Variants in ALG6 observed in about 807,000 individuals in gnomAD.
ALG6 encodes ALG6 alpha-1,3-glucosyltransferase, also known as dolichyl pyrophosphate Man9GlcNAc2 alpha-1,3-glucosyltransferase.
A neutral mutation model predicts 66.6 loss-of-function variants in ALG6; 46 were observed. The ratio of observed to expected loss-of-function variants is 0.69; its 90% confidence interval spans 0.55 to 0.88. The LOEUF is 0.88. Among genes scored for constraint, ALG6 ranks in the 40% least tolerant of loss-of-function variants. The probability of loss-of-function intolerance (pLI) is 0.00; values close to 1 mark genes in which losing one functional copy is unlikely to be tolerated. For missense variants in ALG6, 505 were observed against 586.8 expected, an observed-to-expected ratio of 0.86 and a Z score of 1.44; for synonymous variants, 185 against 203.7, an observed-to-expected ratio of 0.91 and a Z score of 0.78.
At chr1:63,386,030 G>A (rs1648493273) in intron 2 of ALG6, among the ~76,000 whole-genome samples, 1 of 152,148 alleles carries the variant, frequency 6.6e-6, no homozygotes, top group African/African-American at 2.4e-5. Context: ...AGGAAGGGGT[G>A]TGGAATTGTA....
Position 63,409,588 on chromosome 1 carries a change from T to G in ALG6, c.495-1558T>G, listed in dbSNP as rs1244722510. Among the ~76,000 whole-genome samples, 6 of 152,312 alleles carry G rather than the reference T, an allele frequency of 3.9e-5. No homozygotes were observed. The East Asian group carries it at 1.2e-3, about 29-fold the overall frequency. The stretch of plus-strand genomic sequence containing the variant: ...TTAATTTCTAATTAGAATTTACTAC[T>G]TTTTGTTTTTTTGGTAAAGTTCACT... On this transcript the variant is annotated intron_variant, in intron 7 of 14. Transcript: ENST00000263440.
Position 63,403,094 on chromosome 1 carries a change from C to CA in ALG6, c.257+777dup, listed in dbSNP as rs1160526296. ...TGGGCAACAGAGTGAGACTCCATCT[C>CA]AAAAAAAAAAAAAAAAAAAAAAAAA... On this transcript the variant is annotated intron_variant, in intron 4 of 14. Transcript: ENST00000263440. Among the ~76,000 whole-genome samples the CA allele has an allele frequency of 4.3e-3, 281 of 65,266 alleles. 13 individuals are homozygous for CA. Among genetic ancestry groups the CA allele is most frequent in the Non-Finnish European group, 6.1e-3 (206 of 33,502 alleles). 42.8% of individuals were successfully genotyped at this position (65,266 alleles called of 152,430 possible).
At chr1:63,410,832 T>C (rs1644512303) in intron 7 of ALG6, among the ~76,000 whole-genome samples, 1 of 152,134 alleles carries the variant, frequency 6.6e-6, no homozygotes, top group Non-Finnish European at 1.5e-5. Flanking sequence ...ATAATAATAT[T>C]GTGAAGTAAT....
intron 2 of ALG6, among the ~76,000 whole-genome samples, chr1:63,387,065 T>G (rs1443280668): frequency 6.6e-6 from 1 of 152,248 alleles, no homozygotes; most frequent in African/African-American, 2.4e-5. Flanking sequence ...CAGGATCATA[T>G]TGATTAATTT....
At chr1:63,393,366 A>G (rs1019607202) in intron 2 of ALG6, among the ~76,000 whole-genome samples, 4 of 152,196 alleles carry the variant, frequency 2.6e-5, no homozygotes, top group African/African-American at 4.8e-5. Flanking sequence ...ATGCCTAGCA[A>G]TGTTTTCTCT....
chr1:63,427,791 T>G (rs1644624440), intron 12 of ALG6, among the ~76,000 whole-genome samples: 1 of 145,352 alleles, frequency 6.9e-6, no homozygotes. Context: ...AAACAACTTT[T>G]TTTTTTTTTT....
At chr1:63,428,650 A>G (rs1557597417) in intron 12 of ALG6, 83 bp from the exon 13 acceptor site, 1 of 1,075,578 alleles carries the variant, frequency 9.3e-7, no homozygotes, top group Non-Finnish European at 1.4e-6. Flanking sequence ...AATCAGACAG[A>G]TAAAATGTAT....
At chr1:63,380,792 A>C (rs1648276049) in intron 2 of ALG6, among the ~76,000 whole-genome samples, 1 of 152,182 alleles carries the variant, frequency 6.6e-6, no homozygotes, top group Non-Finnish European at 1.5e-5. Flanking sequence ...TCATGAACTG[A>C]ATTTACTCAA....
At chr1:63,420,656 C>T (rs1475644631) in intron 12 of ALG6, among the ~76,000 whole-genome samples, 1 of 151,744 alleles carries the variant, frequency 6.6e-6, no homozygotes, top group African/African-American at 2.4e-5. Flanking sequence ...GTCAGGAGAT[C>T]GACACCATCC....
intron 12 of ALG6, among the ~76,000 whole-genome samples, chr1:63,422,042 A>AC (rs1456114166): frequency 1.1e-3 from 162 of 140,882 alleles, no homozygotes; most frequent in Non-Finnish European, 2.1e-3. Context: ...GTATATATAT[A>AC]ATTTATATAT....
chr1:63,403,903 T>C (rs1162654999), intron 4 of ALG6, among the ~76,000 whole-genome samples: 2 of 152,232 alleles, frequency 1.3e-5, no homozygotes, highest in African/African-American at 2.4e-5. Context: ...GGTGTCGTTA[T>C]GAGTGTATTT....
rs1647900848 is a variant in ALG6 at position 63,370,843 on chromosome 1, C to T, written c.-135C>T. On this transcript the variant is annotated 5_prime_UTR_variant, in exon 2 of 15. Coordinates refer to ENST00000263440, the MANE Select transcript of ALG6 (RefSeq NM_013339.4). ...GCATCATTAAAATTCTCTCAAACTCCTAATTGCGAAGAATCGATAACATTT... is the reference window on the plus strand; with the variant it reads ...GCATCATTAAAATTCTCTCAAACTCTTAATTGCGAAGAATCGATAACATTT... 4 of 719,122 alleles carry T rather than the reference C, an allele frequency of 5.6e-6. No individual in the cohort carries two copies. Among genetic ancestry groups the T allele is most frequent in the Non-Finnish European group, 1.0e-5 (4 of 393,478 alleles). 44.5% of individuals were successfully genotyped at this position (719,122 alleles called of 1,614,324 possible). A position where few individuals can be genotyped will look rare whatever the true frequency, so the allele number is the denominator to read the frequency against.
chr1:63,415,574 A>G (rs886298944), intron 10 of ALG6, among the ~76,000 whole-genome samples: 2 of 152,154 alleles, frequency 1.3e-5, no homozygotes, highest in African/African-American at 4.8e-5. Context: ...ACCTTCAACT[A>G]TGTATCTTTG....
At chr1:63,425,269 AGAG>A (rs1644609162) in intron 12 of ALG6, among the ~76,000 whole-genome samples, 1 of 152,208 alleles carries the variant, frequency 6.6e-6, no homozygotes, top group Admixed American at 6.5e-5. Flanking sequence ...CAGGATCTCA[AGAG>A]GAGGAGCTGC....
Position 63,402,264 on chromosome 1 carries a change from A to C in ALG6, c.178A>C (p.Ser60Arg), listed in dbSNP as rs1330438032. The change falls in exon 4 of 15, where the codon AGC becomes CGC. Residue 60 changes from serine (S) to arginine (R), a missense_variant. By Grantham distance (110) the Ser-to-Arg change is moderately radical. Transcript: ENST00000263440. ...TTTTTTCTTTTTCAGGTATTTTAAC[A>C]GCAGTGATAACAATTTACAGTATTG... is the stretch of plus-strand genomic sequence containing the variant. Reference protein sequence around the residue: ...NLPVKQWYFNSSDNNLQYWGL... With the variant: ...NLPVKQWYFNRSDNNLQYWGL... 5.0e-6 allele frequency: 8 copies of C among 1,601,546 alleles called. No homozygotes were observed. Among genetic ancestry groups the C allele is most frequent in the Non-Finnish European group, 5.1e-6 (6 of 1,168,856 alleles).
intron 9 of ALG6, among the ~76,000 whole-genome samples, chr1:63,412,263 G>A (rs1314070253): frequency 1.3e-5 from 2 of 151,990 alleles, no homozygotes; most frequent in Non-Finnish European, 2.9e-5. Context: ...GTGGCTATTC[G>A]CAGGGGTAAT....
chr1:63,413,371 T>A (rs1308174748), intron 9 of ALG6, among the ~76,000 whole-genome samples: 3 of 152,214 alleles, frequency 2.0e-5, no homozygotes, highest in Non-Finnish European at 4.4e-5. Flanking sequence ...ACATGTTTGA[T>A]GGTGTTGCCA....
At chr1:63,411,690 T>G (rs950712255) in intron 8 of ALG6, among the ~76,000 whole-genome samples, 2 of 152,218 alleles carry the variant, frequency 1.3e-5, no homozygotes, top group Non-Finnish European at 2.9e-5. Flanking sequence ...AGGAATGGCA[T>G]CTAACATAAA....
intron 14 of ALG6, among the ~76,000 whole-genome samples, 161 bp from the exon 15 acceptor site, chr1:63,436,662 C>T (rs1479064046): frequency 6.6e-6 from 1 of 152,110 alleles, no homozygotes; most frequent in Non-Finnish European, 1.5e-5. Flanking sequence ...AAAAACTCCT[C>T]ATATGATTCT....
Sources: allele counts gnomAD v4.1 joint callset (sites outside exome capture counted in the v4.1 genomes callset), GRCh38; gene constraint gnomAD v4.1.1; transcripts MANE v1.5; gene names NCBI Gene and HGNC (gene_info 2026-07-23, HGNC 2026-07-21).